MAN1A1: variants seen among roughly 807,000 people sequenced by gnomAD.
The protein encoded by MAN1A1 is mannosyl-oligosaccharide 1,2-alpha-mannosidase IA.
Under a neutral mutation model 70.8 loss-of-function variants are expected in MAN1A1, and 29 were observed. The ratio of observed to expected loss-of-function variants is 0.41; its 90% CI spans 0.31 to 0.56. MAN1A1 has a LOEUF of 0.56. Among genes scored for constraint, MAN1A1 ranks in the 20% least tolerant of loss-of-function variants. MAN1A1 has a pLI of 0.29. For synonymous variants in MAN1A1, 349 were observed against 330.1 expected, an observed-to-expected ratio of 1.06 and a Z score of -0.62; for missense variants, 747 against 841.3, an observed-to-expected ratio of 0.89 and a Z score of 1.39.
chr6:119,326,635 T>C (rs1773153838), intron 2 of MAN1A1, among the ~76,000 whole-genome samples: 1 of 152,224 alleles, frequency 6.6e-6, no homozygotes, highest in Non-Finnish European at 1.5e-5. Context: ...CAGTTCAGCA[T>C]GGCTGGGGAG....
At chr6:119,340,087 T>C (rs556728178) in intron 2 of MAN1A1, among the ~76,000 whole-genome samples, 1 of 152,170 alleles carries the variant, frequency 6.6e-6, no homozygotes, top group Admixed American at 6.5e-5. Context: ...CAAGACTCCA[T>C]CTCAAAAACA....
chr6:119,279,492 T>C (rs552620453), intron 5 of MAN1A1, among the ~76,000 whole-genome samples: 1 of 152,356 alleles, frequency 6.6e-6, no homozygotes, highest in South Asian at 2.1e-4. Context: ...CTACCATAAA[T>C]TCATGGCTAC....
chr6:119,232,753 C>T (rs1739980436), intron 6 of MAN1A1, among the ~76,000 whole-genome samples: 1 of 150,882 alleles, frequency 6.6e-6, no homozygotes, highest in Non-Finnish European at 1.5e-5. Flanking sequence ...TAGAAAATTA[C>T]AGAAGCATAA....
At chr6:119,346,895 T>C (rs1773743896) in intron 2 of MAN1A1, among the ~76,000 whole-genome samples, 1 of 152,214 alleles carries the variant, frequency 6.6e-6, no homozygotes, top group Non-Finnish European at 1.5e-5. Context: ...CCTATGGTTT[T>C]GGTTGGATAT....
At chr6:119,272,679 AT>A (rs34913090) in intron 5 of MAN1A1, among the ~76,000 whole-genome samples, 12 of 152,182 alleles carry the variant, frequency 7.9e-5, no homozygotes, top group African/African-American at 2.6e-4. Flanking sequence ...GAAATGCTCA[AT>A]TTTTTTTAAA....
rs528939630 is a variant in MAN1A1 at position 119,198,546 on chromosome 6, TTAAAA to T, written c.1210+2703_1210+2707del. On this transcript the variant is annotated intron_variant, in intron 8 of 12. Transcript: ENST00000368468. The stretch of plus-strand genomic sequence containing the variant: ...TACCTATATTTACTACATTGGAAAA[TTAAAA>T]TAATTTAAAAATATTTTCGTTACCT... 2.8e-4 allele frequency among the ~76,000 whole-genome samples: 42 copies of T among 152,304 alleles called. No individual in the cohort carries two copies. In the East Asian group the frequency reaches 6.9e-3, roughly 25 times the overall value.
chr6:119,211,402 T>C (rs1233507064), intron 6 of MAN1A1, among the ~76,000 whole-genome samples: 2 of 152,244 alleles, frequency 1.3e-5, no homozygotes, highest in East Asian at 3.8e-4. Context: ...GCAACAGATA[T>C]CTGTGCATCA....
chr6:119,263,869 C>T (rs1775678327), intron 5 of MAN1A1, among the ~76,000 whole-genome samples: 1 of 152,018 alleles, frequency 6.6e-6, no homozygotes. Flanking sequence ...TAAATGAAAC[C>T]TCGAATAGTT....
intron 9 of MAN1A1, among the ~76,000 whole-genome samples, chr6:119,190,757 T>C (rs1272305708): frequency 6.6e-6 from 1 of 152,246 alleles, no homozygotes; most frequent in Non-Finnish European, 1.5e-5. Flanking sequence ...CTTTTATTTC[T>C]ATCCCAGGTC....
chr6:119,226,347 C>T (rs528788940), intron 6 of MAN1A1, among the ~76,000 whole-genome samples: 15 of 152,284 alleles, frequency 9.9e-5, no homozygotes, highest in South Asian at 8.3e-4. Context: ...CCTGGGTGGA[C>T]GCTGCACATG....
At chr6:119,197,242 G>A (rs146856100) in intron 8 of MAN1A1, among the ~76,000 whole-genome samples, 283 of 150,908 alleles carry the variant, frequency 1.9e-3, no homozygotes, top group African/African-American at 6.6e-3. Flanking sequence ...CTGGCAGGTG[G>A]AGGGAGCTGA....
At chr6:119,247,005 T>C (rs1775185517) in intron 6 of MAN1A1, among the ~76,000 whole-genome samples, 1 of 152,040 alleles carries the variant, frequency 6.6e-6, no homozygotes, top group African/African-American at 2.4e-5. Context: ...CCCACACCTA[T>C]AGATAGGTAC....
At chr6:119,181,846 T>TACATCATCTTCTGATGTGGATAC (rs1773162010) in intron 11 of MAN1A1, among the ~76,000 whole-genome samples, 1 of 152,226 alleles carries the variant, frequency 6.6e-6, no homozygotes, top group East Asian at 1.9e-4. Context: ...GTGGTGGATA[T>TACATCATCTTCTGATGTGGATAC]ACATCATCTT....
At chr6:119,326,517 C>A (rs1773151272) in intron 2 of MAN1A1, among the ~76,000 whole-genome samples, 1 of 152,186 alleles carries the variant, frequency 6.6e-6, no homozygotes, top group Admixed American at 6.5e-5. Flanking sequence ...CTACTCTTGA[C>A]CAAAGTGCAT....
intron 6 of MAN1A1, among the ~76,000 whole-genome samples, chr6:119,210,251 G>T (rs2267675): frequency 0.32 from 48,238 of 152,006 alleles, 7,975 homozygotes; most frequent in East Asian, 0.56. Context: ...TTTTGGGTAA[G>T]ATCTCCTTGC....
intron 7 of MAN1A1, among the ~76,000 whole-genome samples, chr6:119,203,417 G>A (rs1773770435): frequency 6.6e-6 from 1 of 152,112 alleles, no homozygotes; most frequent in Non-Finnish European, 1.5e-5. Flanking sequence ...CCAGAGGTGA[G>A]GAGACAAAGG....
intron 2 of MAN1A1, among the ~76,000 whole-genome samples, chr6:119,313,138 G>GAAAGA (rs1186891998): frequency 1.3e-5 from 2 of 152,236 alleles, no homozygotes; most frequent in East Asian, 3.9e-4. Flanking sequence ...TACGGGAAAG[G>GAAAGA]AAAGAAAAGA....
chr6:119,311,650 G>C (rs577131645), intron 2 of MAN1A1, among the ~76,000 whole-genome samples: 43 of 152,278 alleles, frequency 2.8e-4, no homozygotes, highest in African/African-American at 1.0e-3. Flanking sequence ...GCATCCAGAG[G>C]CTTAGGGTGA....
At chr6:119,205,843 C>A (rs915859237) in intron 6 of MAN1A1, among the ~76,000 whole-genome samples, 1 of 152,242 alleles carries the variant, frequency 6.6e-6, no homozygotes, top group African/African-American at 2.4e-5. Flanking sequence ...TAGGACTATA[C>A]ATGGCATTGG....
Sources: gnomAD v4.1 joint callset for allele counts (sites outside exome capture counted in the v4.1 genomes callset) on GRCh38, gnomAD v4.1.1 for gene constraint, MANE v1.5 for transcripts, NCBI Gene and HGNC (gene_info 2026-07-23, HGNC 2026-07-21) for gene names.